MYO3A: variants seen among roughly 807,000 people sequenced by gnomAD.
MYO3A encodes myosin IIIA.
MYO3A carries 180 observed loss-of-function variants against 192.7 expected under a neutral mutation model. The observed-to-expected ratio is 0.93, with a 90% confidence interval of 0.83 to 1.06. The LOEUF is 1.06. Among genes scored for constraint, MYO3A ranks in the 50% least tolerant of loss-of-function variants. The pLI is 0.00. For synonymous variants in MYO3A, 628 were observed against 645.3 expected (o/e 0.97, Z 0.41); for missense variants, 1,896 against 1,905.0 (o/e 1.00, Z 0.09).
chr10:26,048,087 G>C (rs1482498732), intron 10 of MYO3A, among the ~76,000 whole-genome samples: 1 of 152,096 alleles, frequency 6.6e-6, no homozygotes, highest in Non-Finnish European at 1.5e-5. Flanking sequence ...ACAGATAAGG[G>C]GGAGAAATAT....
intron 6 of MYO3A, among the ~76,000 whole-genome samples, chr10:26,010,189 C>G (rs1466347152): frequency 3.3e-5 from 5 of 150,810 alleles, no homozygotes; most frequent in Non-Finnish European, 5.9e-5. Context: ...AGGAAAAGAT[C>G]TAGATCCAGG....
Position 26,154,894 on chromosome 10 carries a change from C to T in MYO3A, c.2793+71C>T, listed in dbSNP as rs547080727. The T allele has an allele frequency of 3.0e-4, 374 of 1,235,468 alleles. 3 individuals are homozygous for T. The South Asian group carries it at 3.8e-3, about 13-fold the overall frequency. The allele number at this position is 1,235,468 out of a possible 1,614,324, so 76.5% of individuals were successfully genotyped here. A position where few individuals can be genotyped will look rare whatever the true frequency, so the allele number is the denominator to read the frequency against. On this transcript the variant is annotated intron_variant, in intron 25 of 34. Transcript: ENST00000642920. Reference sequence around the variant, plus strand: ...GTCTAAATGAGTTACAGATCAAAAGCCAGTAACACTAGCAAAGAGAATGTT... The same window carrying T: ...GTCTAAATGAGTTACAGATCAAAAGTCAGTAACACTAGCAAAGAGAATGTT...
chr10:26,186,634 C>T (rs1842882479), intron 31 of MYO3A, among the ~76,000 whole-genome samples: 1 of 151,970 alleles, frequency 6.6e-6, no homozygotes, highest in African/African-American at 2.4e-5. Flanking sequence ...ATTTATATTC[C>T]CTTATCTGCT....
At chr10:26,027,500 G>A (rs1157613540) in intron 10 of MYO3A, among the ~76,000 whole-genome samples, 6 of 151,750 alleles carry the variant, frequency 4.0e-5, no homozygotes, top group East Asian at 1.9e-4. Context: ...ATGTACCACC[G>A]TGCCTGGCTG....
Position 26,021,709 on chromosome 10 carries a change from G to T in MYO3A, c.731+61G>T, listed in dbSNP as rs767377876. On this transcript the variant is annotated intron_variant, in intron 8 of 34. Transcript: ENST00000642920. ...CCGATTTACTTCCTCCAGCCACCAA[G>T]TGTTCATCATGCTCTTCATGGAGAC... 41 of 1,591,854 alleles carry T rather than the reference G, an allele frequency of 2.6e-5. No individual in the cohort carries two copies. The South Asian group carries it at 4.2e-4, about 16-fold the overall frequency.
At position 26,018,394 on chromosome 10, in the gene MYO3A, C is replaced by G. The variant is rs531142545; in HGVS notation, c.585+1498C>G. On this transcript the variant is annotated intron_variant, in intron 7 of 34. Transcript: ENST00000642920. ...TCTAGTTAATCAAGATATTCCATATCTACCACTCTATGGTATTAATAGCAG... is the reference window on the plus strand; with the variant it reads ...TCTAGTTAATCAAGATATTCCATATGTACCACTCTATGGTATTAATAGCAG... Among the ~76,000 whole-genome samples the G allele has an allele frequency of 2.0e-5, 3 of 152,062 alleles. No homozygotes were observed. The East Asian group carries it at 5.8e-4, about 29-fold the overall frequency.
chr10:25,952,474 A>G (rs931364125), intron 3 of MYO3A, among the ~76,000 whole-genome samples, 196 bp downstream of exon 3: 21 of 152,192 alleles, frequency 1.4e-4, no homozygotes, highest in South Asian at 6.2e-4. Context: ...AAGGCACAAT[A>G]AGTACTTGAT....
At chr10:26,080,506 C>T (rs148548214) in intron 14 of MYO3A, among the ~76,000 whole-genome samples, 1,988 of 147,364 alleles carry the variant, frequency 0.013, 57 homozygotes, top group African/African-American at 0.047. Flanking sequence ...TAATAACTAA[C>T]CTCTTGAATT....
chr10:26,193,888 C>T (rs1589112301), intron 32 of MYO3A, among the ~76,000 whole-genome samples: 1 of 152,194 alleles, frequency 6.6e-6, no homozygotes, highest in Non-Finnish European at 1.5e-5. Flanking sequence ...CCCCTCAGCT[C>T]CTGCTCACTA....
Position 25,996,519 on chromosome 10 carries a change from T to C in MYO3A, c.333T>C (p.Leu111=), listed in dbSNP as rs146714426. 30 of 1,613,916 alleles carry C rather than the reference T, an allele frequency of 1.9e-5. No individual in the cohort carries two copies. The African/African-American group carries it at 3.7e-4, about 20-fold the overall frequency. Residue 111 remains leucine, a synonymous_variant, in exon 5 of 35, where the codon CTT becomes CTC. Transcript: ENST00000642920. The stretch of plus-strand genomic sequence containing the variant: ...GCAGTGGAGGATCAGTGACTGACCT[T>C]GTGAAAGGATTTCTGAAGAGGGGTG... ...ELCSGGSVTD[L]VKGFLKRGER...
At chr10:26,014,149 A>C (rs1841838050) in intron 6 of MYO3A, among the ~76,000 whole-genome samples, 1 of 152,116 alleles carries the variant, frequency 6.6e-6, no homozygotes, top group Non-Finnish European at 1.5e-5. Flanking sequence ...GGGGCTAGGG[A>C]TAAAAAAACT....
intron 4 of MYO3A, among the ~76,000 whole-genome samples, chr10:25,989,566 T>C (rs1028883726): frequency 6.6e-6 from 1 of 152,158 alleles, no homozygotes; most frequent in South Asian, 2.1e-4. Context: ...ATGTTTAACA[T>C]GAAGATGATA....
chr10:26,206,835 C>G (rs1255255753), intron 34 of MYO3A, among the ~76,000 whole-genome samples: 1 of 152,210 alleles, frequency 6.6e-6, no homozygotes, highest in Non-Finnish European at 1.5e-5. Flanking sequence ...GCAAGAGTTT[C>G]CCTTTTCTCC....
Position 26,145,458 on chromosome 10 carries a change from G to A in MYO3A, c.2429G>A (p.Gly810Asp). Reference protein sequence around the residue: ...TDQTLVEKFEGNLKSQYFWRP... With the variant: ...TDQTLVEKFEDNLKSQYFWRP... ...TATTTTTCTACAGAAAAATTTGAAG[G>A]TAACCTGAAATCACAATACTTCTGG... The change falls in exon 22 of 35, where the codon GGT becomes GAT. Residue 810 changes from glycine to aspartate, a missense_variant. Coordinates refer to ENST00000642920, the MANE Select transcript of MYO3A (RefSeq NM_017433.5). 2 of 1,603,692 alleles carry A rather than the reference G, an allele frequency of 1.2e-6. No individual in the cohort carries two copies. The highest frequency in any genetic ancestry group is 2.2e-5 in the South Asian group (2 of 90,862).
chr10:26,169,447 C>CT (rs1174207971), intron 28 of MYO3A, among the ~76,000 whole-genome samples: 2 of 151,620 alleles, frequency 1.3e-5, no homozygotes, highest in Admixed American at 1.3e-4. Flanking sequence ...ATTTTTTTGA[C>CT]TGGATACTTA....
chr10:25,982,363 T>A (rs1271018101), intron 4 of MYO3A, among the ~76,000 whole-genome samples: 2 of 152,166 alleles, frequency 1.3e-5, no homozygotes, highest in African/African-American at 4.8e-5. Flanking sequence ...GGAAGCTCTA[T>A]GGCCCTGCTC....
intron 15 of MYO3A, among the ~76,000 whole-genome samples, chr10:26,092,821 A>C (rs1271619792): frequency 6.6e-6 from 1 of 152,182 alleles, no homozygotes; most frequent in African/African-American, 2.4e-5. Flanking sequence ...GAACCCCTGA[A>C]AACATTAGCA....
chr10:25,967,810 A>G (rs189176725), intron 4 of MYO3A, among the ~76,000 whole-genome samples: 3 of 152,252 alleles, frequency 2.0e-5, no homozygotes, highest in Non-Finnish European at 2.9e-5. Flanking sequence ...TGACAAATTC[A>G]TAAGAATCAG....
At chr10:26,028,802 C>A (rs1249857715) in intron 10 of MYO3A, among the ~76,000 whole-genome samples, 1 of 152,100 alleles carries the variant, frequency 6.6e-6, no homozygotes, top group East Asian at 1.9e-4. Context: ...TTCTCCTTGC[C>A]CCCTAGAGTC....
Sources: allele counts gnomAD v4.1 joint callset (sites outside exome capture counted in the v4.1 genomes callset), GRCh38; gene constraint gnomAD v4.1.1; transcripts MANE v1.5; gene names NCBI Gene and HGNC (gene_info 2026-07-23, HGNC 2026-07-21).